SEMA5A: variants seen among roughly 807,000 people sequenced by gnomAD.
The protein encoded by SEMA5A is semaphorin 5A, also known as semaphorin-5A.
Under a neutral mutation model 135.5 loss-of-function variants are expected in SEMA5A, and 55 were observed. That is an observed-to-expected ratio of 0.41 (90% CI 0.33 to 0.51). The LOEUF is 0.51. Ranked by LOEUF, SEMA5A falls within the 20% of genes least tolerant of loss-of-function variation. The pLI is 0.37. For missense variants in SEMA5A, 1,290 were observed against 1,419.9 expected, an observed-to-expected ratio of 0.91 and a Z score of 1.47; for synonymous variants, 580 against 546.5, an observed-to-expected ratio of 1.06 and a Z score of -0.85.
intron 5 of SEMA5A, among the ~76,000 whole-genome samples, chr5:9,283,414 C>T (rs1750640077): frequency 6.6e-6 from 1 of 152,132 alleles, no homozygotes; most frequent in Admixed American, 6.5e-5. Context: ...GTGGTTCTCT[C>T]CACAACATGG....
chr5:9,364,439 G>A (rs942284021), intron 3 of SEMA5A, among the ~76,000 whole-genome samples: 1 of 152,136 alleles, frequency 6.6e-6, no homozygotes, highest in Non-Finnish European at 1.5e-5. Flanking sequence ...TTCACTGAAG[G>A]AGCATAGCTT....
At chr5:9,311,282 G>A (rs189783383) in intron 5 of SEMA5A, among the ~76,000 whole-genome samples, 40 of 152,124 alleles carry the variant, frequency 2.6e-4, no homozygotes, top group African/African-American at 7.9e-4. Context: ...ATTCCCAGAA[G>A]GTGAAATTGT....
chr5:9,397,658 A>G (rs1019163543), intron 2 of SEMA5A, among the ~76,000 whole-genome samples: 4 of 152,210 alleles, frequency 2.6e-5, no homozygotes, highest in Non-Finnish European at 5.9e-5. Context: ...AGCATGTATG[A>G]TTATTATAAT....
chr5:9,210,392 G>A (rs1479652), intron 8 of SEMA5A, among the ~76,000 whole-genome samples: 22,935 of 152,102 alleles, frequency 0.15, 2,326 homozygotes, highest in African/African-American at 0.29. Context: ...TACCCATAAA[G>A]GTCTGCATTA....
chr5:9,292,393 T>C (rs1012078953), intron 5 of SEMA5A, among the ~76,000 whole-genome samples: 1 of 152,154 alleles, frequency 6.6e-6, no homozygotes, highest in African/African-American at 2.4e-5. Context: ...GAGAGGGAAC[T>C]GAAATACAGT....
At position 9,092,348 on chromosome 5, in the gene SEMA5A, C is replaced by T. The variant is rs557650163; in HGVS notation, c.2073+15792G>A. Among the ~76,000 whole-genome samples, 42 of 152,304 alleles carry T rather than the reference C, an allele frequency of 2.8e-4. 1 individual carries two copies. Among genetic ancestry groups the T allele is most frequent in the African/African-American group, 5.5e-4 (23 of 41,574 alleles). Reference sequence around the variant, plus strand: ...AGGAGGAAGCTCAAATATTGGAATTCGCACCATTTTAAAGTATGAGATTCA... The same window carrying T: ...AGGAGGAAGCTCAAATATTGGAATTTGCACCATTTTAAAGTATGAGATTCA... On this transcript the variant is annotated intron_variant, in intron 16 of 22. Transcript: ENST00000382496.
At chr5:9,213,227 A>G (rs1353003416) in intron 8 of SEMA5A, among the ~76,000 whole-genome samples, 1 of 152,232 alleles carries the variant, frequency 6.6e-6, no homozygotes, top group African/African-American at 2.4e-5. Flanking sequence ...GAGGACATAA[A>G]TGTTCAGACC....
At chr5:9,399,514 C>A (rs1000397698) in intron 2 of SEMA5A, among the ~76,000 whole-genome samples, 2 of 151,954 alleles carry the variant, frequency 1.3e-5, no homozygotes, top group Non-Finnish European at 2.9e-5. Flanking sequence ...TTTCTGGGGT[C>A]ATCAGAATGT....
At chr5:9,163,143 A>G (rs3797916) in intron 11 of SEMA5A, among the ~76,000 whole-genome samples, 17,849 of 152,038 alleles carry the variant, frequency 0.12, 1,780 homozygotes, top group African/African-American at 0.25. Flanking sequence ...TAGTGTCTAA[A>G]GGATGCCAAG....
chr5:9,479,561 G>A (rs1759796098), intron 1 of SEMA5A, among the ~76,000 whole-genome samples: 1 of 152,118 alleles, frequency 6.6e-6, no homozygotes, highest in African/African-American at 2.4e-5. Flanking sequence ...AATGTTGTGT[G>A]GGTAGAAAGA....
At chr5:9,082,921 A>G (rs1738468221) in intron 16 of SEMA5A, among the ~76,000 whole-genome samples, 1 of 152,190 alleles carries the variant, frequency 6.6e-6, no homozygotes, top group Non-Finnish European at 1.5e-5. Context: ...CCAAGTTTCT[A>G]GGGGTATCAT....
At chr5:9,121,612 G>A (rs2150183136) in intron 14 of SEMA5A, among the ~76,000 whole-genome samples, 1 of 152,170 alleles carries the variant, frequency 6.6e-6, no homozygotes, top group South Asian at 2.1e-4. Context: ...TTTTACCCAG[G>A]CATCTGTGGA....
chr5:9,093,095 T>G (rs1739124420), intron 16 of SEMA5A, among the ~76,000 whole-genome samples: 4 of 151,972 alleles, frequency 2.6e-5, no homozygotes, highest in Admixed American at 2.0e-4. Flanking sequence ...TAAAATTGAG[T>G]TTTTTAAGAT....
intron 4 of SEMA5A, among the ~76,000 whole-genome samples, chr5:9,336,494 C>CATCAGAA (rs1753396880): frequency 6.6e-6 from 1 of 152,092 alleles, no homozygotes. Context: ...TGGAAGTGAG[C>CATCAGAA]ATCAGAAATC....
chr5:9,494,024 T>G (rs1735172060), intron 1 of SEMA5A, among the ~76,000 whole-genome samples: 1 of 152,200 alleles, frequency 6.6e-6, no homozygotes, highest in Admixed American at 6.5e-5. Flanking sequence ...ATATATTTTA[T>G]ATAAATTCTT....
intron 4 of SEMA5A, among the ~76,000 whole-genome samples, chr5:9,325,471 G>A (rs943050284): frequency 1.3e-5 from 2 of 152,000 alleles, no homozygotes; most frequent in Non-Finnish European, 2.9e-5. Flanking sequence ...CTTCACCAAA[G>A]TTTCTTGCTT....
rs147142906 is a variant in SEMA5A, at chr5:9,531,281, G to A, written c.-175+14303C>T. ...TGTAAATAGTTCTATCTTTTCTTTG[G>A]CACTCTTGAGACCATTTCTGGTCTT... On this transcript the variant is annotated intron_variant, in intron 1 of 22. Transcript: ENST00000382496. Among the ~76,000 whole-genome samples, 1,198 of 152,208 alleles carry A rather than the reference G, an allele frequency of 7.9e-3. 5 individuals are homozygous for A. Among genetic ancestry groups the A allele is most frequent in the Middle Eastern group, 0.017 (5 of 294 alleles).
intron 2 of SEMA5A, among the ~76,000 whole-genome samples, chr5:9,436,991 G>A (rs961993973): frequency 9.2e-5 from 14 of 152,216 alleles, no homozygotes; most frequent in African/African-American, 2.9e-4. Context: ...AGGGCCACAG[G>A]AAGGAGGAAA....
intron 11 of SEMA5A, among the ~76,000 whole-genome samples, chr5:9,157,649 C>T (rs1743029628): frequency 6.6e-6 from 1 of 152,210 alleles, no homozygotes; most frequent in African/African-American, 2.4e-5. Flanking sequence ...GCCCCATGCT[C>T]CTTCATGCCT....
Sources: gnomAD v4.1 joint callset for allele counts (sites outside exome capture counted in the v4.1 genomes callset) on GRCh38, gnomAD v4.1.1 for gene constraint, MANE v1.5 for transcripts, NCBI Gene and HGNC (gene_info 2026-07-23, HGNC 2026-07-21) for gene names.